SLIT2: variants seen among roughly 807,000 people sequenced by gnomAD.
SLIT2 encodes the protein slit guidance ligand 2.
Under a neutral mutation model 185.7 loss-of-function variants are expected in SLIT2, and 41 were observed. That is an observed-to-expected ratio of 0.22 (90% CI 0.17 to 0.29). The LOEUF (loss-of-function observed/expected upper bound fraction) is 0.29, where lower values mean the gene tolerates loss of function less well. SLIT2 is among the 10% of genes least tolerant of loss of function. The probability of loss-of-function intolerance (pLI) is 1.00; values close to 1 mark genes in which losing one functional copy is unlikely to be tolerated. For missense variants in SLIT2, 1,571 were observed against 1,909.0 expected (o/e 0.82, Z 3.30); for synonymous variants, 693 against 680.2 (o/e 1.02, Z -0.29).
chr4:20,377,716 G>A (rs1724144855), intron 4 of SLIT2, among the ~76,000 whole-genome samples: 1 of 152,102 alleles, frequency 6.6e-6, no homozygotes, highest in African/African-American at 2.4e-5. Flanking sequence ...AGGGGTTCAA[G>A]TCCAAGTAGG....
At chr4:20,415,616 A>G (rs1002606364) in intron 4 of SLIT2, among the ~76,000 whole-genome samples, 20 of 152,110 alleles carry the variant, frequency 1.3e-4, no homozygotes, top group Admixed American at 4.6e-4. Context: ...ATGGGTTAAG[A>G]TCCATAAGGC....
At chr4:20,589,900 CTTT>C (rs34384249) in intron 30 of SLIT2, among the ~76,000 whole-genome samples, 163 bp downstream of exon 30, 1 of 84,502 alleles carries the variant, frequency 1.2e-5, no homozygotes, top group Admixed American at 1.5e-4. Context: ...ACAATATGGA[CTTT>C]TTTTTTTTTT....
intron 1 of SLIT2, 61 bp from the exon 2 acceptor site, chr4:20,256,606 AACTTT>A (rs980726042): frequency 8.7e-6 from 7 of 808,376 alleles, no homozygotes; most frequent in Non-Finnish European, 1.5e-5. Flanking sequence ...ATTTACTCTA[AACTTT>A]ACTTGAAGCA....
chr4:20,472,259 T>TAG (rs1560452508), intron 5 of SLIT2, among the ~76,000 whole-genome samples: 2 of 45,010 alleles, frequency 4.4e-5, no homozygotes, highest in Admixed American at 3.0e-4. Flanking sequence ...TATATAGATC[T>TAG]ATATATAGAT....
intron 16 of SLIT2, among the ~76,000 whole-genome samples, chr4:20,530,092 A>C (rs1253248885): frequency 8.0e-6 from 1 of 125,314 alleles, no homozygotes; most frequent in East Asian, 2.8e-4. Flanking sequence ...TCTTGTAGTT[A>C]TAGTGATTTT....
rs1314789488 is a variant in SLIT2 at position 20,251,957 on chromosome 4, G to A, written c.-1859G>A. On this transcript the variant is annotated 5_prime_UTR_variant, in exon 1 of 37. Coordinates refer to ENST00000504154, the MANE Select transcript of SLIT2 (RefSeq NM_004787.4). The stretch of plus-strand genomic sequence containing the variant: ...CCGGACGGCGGAGCTTGGCGGCGGC[G>A]GTGGTGGTGGCTGCCGCAGACTGTG... Among the ~76,000 whole-genome samples the A allele has an allele frequency of 6.6e-6, 1 of 152,126 alleles. No homozygotes were observed. Among genetic ancestry groups the A allele is most frequent in the Non-Finnish European group, 1.5e-5 (1 of 68,006 alleles).
chr4:20,486,741 G>A (rs1577761494), intron 7 of SLIT2, among the ~76,000 whole-genome samples: 1 of 151,964 alleles, frequency 6.6e-6, no homozygotes. Context: ...ATCTTTCTGG[G>A]TTACAGATGG....
chr4:20,478,539 C>G (rs16869646), intron 5 of SLIT2, among the ~76,000 whole-genome samples: 25,497 of 152,146 alleles, frequency 0.17, 2,172 homozygotes, highest in Middle Eastern at 0.24. Context: ...TGGAGGTTCC[C>G]CTTTGTGTAT....
chr4:20,320,070 T>G (rs1718932795), intron 4 of SLIT2, among the ~76,000 whole-genome samples: 1 of 152,172 alleles, frequency 6.6e-6, no homozygotes, highest in African/African-American at 2.4e-5. Context: ...TGTAGTCAGT[T>G]TACTGGTCTG....
chr4:20,290,953 A>G (rs575562854), intron 4 of SLIT2, among the ~76,000 whole-genome samples: 1 of 152,074 alleles, frequency 6.6e-6, no homozygotes, highest in Non-Finnish European at 1.5e-5. Context: ...CTTAAAATTT[A>G]TCTTCACTGG....
intron 4 of SLIT2, among the ~76,000 whole-genome samples, chr4:20,278,772 A>G (rs1199111419): frequency 6.7e-6 from 1 of 148,456 alleles, no homozygotes; most frequent in Non-Finnish European, 1.5e-5. Flanking sequence ...TTGTCATACC[A>G]ACTGATATTC....
chr4:20,504,440 A>C (rs1388489480), intron 9 of SLIT2, among the ~76,000 whole-genome samples: 1 of 152,152 alleles, frequency 6.6e-6, no homozygotes, highest in Non-Finnish European at 1.5e-5. Flanking sequence ...ATCCAAAGAC[A>C]TATTTTACTG....
rs916197575 is a variant in SLIT2 at position 20,252,593 on chromosome 4, C to G, written c.-1223C>G. ...TAGTGGGAGACCGCCGGGGGCCGGC[C>G]GTGGCTCTGCGCCCTCCGGAACCCG... On this transcript the variant is annotated 5_prime_UTR_variant, in exon 1 of 37. Coordinates refer to ENST00000504154, the MANE Select transcript of SLIT2 (RefSeq NM_004787.4). 6.6e-6 allele frequency among the ~76,000 whole-genome samples: 1 copy of G among 152,240 alleles called. No individual in the cohort carries two copies. Among genetic ancestry groups the G allele is most frequent in the Non-Finnish European group, 1.5e-5 (1 of 68,040 alleles).
intron 4 of SLIT2, chr4:20,394,509 G>A (rs994381999): frequency 3.3e-5 from 5 of 151,956 alleles, no homozygotes; most frequent in Non-Finnish European, 7.4e-5. Flanking sequence ...ATTCAAATGG[G>A]ATTTTTTTTT....
intron 4 of SLIT2, among the ~76,000 whole-genome samples, chr4:20,325,830 G>A (rs1356387908): frequency 6.6e-6 from 1 of 152,080 alleles, no homozygotes; most frequent in East Asian, 1.9e-4. Context: ...CTCTTGATGA[G>A]CTATTGTTTC....
At chr4:20,379,031 G>A (rs1724263955) in intron 4 of SLIT2, among the ~76,000 whole-genome samples, 1 of 152,136 alleles carries the variant, frequency 6.6e-6, no homozygotes, top group Non-Finnish European at 1.5e-5. Flanking sequence ...ACAGAGTACA[G>A]AGGGGTTTTA....
intron 34 of SLIT2, 30 bp from the exon 35 acceptor site, chr4:20,616,880 C>T: frequency 6.4e-7 from 1 of 1,556,490 alleles, no homozygotes; most frequent in Non-Finnish European, 8.7e-7. Context: ...CCCCAGAGAG[C>T]CTGACCTCTG....
chr4:20,280,138 C>G (rs1169210157), intron 4 of SLIT2, among the ~76,000 whole-genome samples: 1 of 151,868 alleles, frequency 6.6e-6, no homozygotes, highest in Non-Finnish European at 1.5e-5. Flanking sequence ...TCCAGACCAT[C>G]CTGGCTAACA....
chr4:20,509,987 G>A (rs1195221988), intron 9 of SLIT2, among the ~76,000 whole-genome samples: 1 of 152,088 alleles, frequency 6.6e-6, no homozygotes, highest in Non-Finnish European at 1.5e-5. Context: ...TGCCTCATAA[G>A]AAGCTTCAAA....
Sources: gnomAD v4.1 joint callset for allele counts (sites outside exome capture counted in the v4.1 genomes callset) on GRCh38, gnomAD v4.1.1 for gene constraint, MANE v1.5 for transcripts, NCBI Gene and HGNC (gene_info 2026-07-23, HGNC 2026-07-21) for gene names.